Variants in DSCAM observed in about 807,000 individuals in gnomAD.
DSCAM encodes the protein DS cell adhesion molecule, also known as cell adhesion molecule DSCAM.
DSCAM carries 47 observed loss-of-function variants against 217.7 expected under a neutral mutation model. The observed-to-expected ratio is 0.22, with a 90% CI of 0.17 to 0.28. The LOEUF is 0.28. Ranked by LOEUF, DSCAM falls within the 10% of genes least tolerant of loss-of-function variation. The pLI, the probability that DSCAM is intolerant of heterozygous loss-of-function variation, is 1.00. For missense variants in DSCAM, 2,080 were observed against 2,618.3 expected, an observed-to-expected ratio of 0.79 and a Z score of 4.49; for synonymous variants, 1,056 against 1,015.3, an observed-to-expected ratio of 1.04 and a Z score of -0.76.
intron 9 of DSCAM, among the ~76,000 whole-genome samples, chr21:40,299,748 G>A (rs2073994002): frequency 6.6e-6 from 1 of 151,968 alleles, no homozygotes; most frequent in South Asian, 2.1e-4. Context: ...CTAAGCATAT[G>A]AGAATGACCA....
chr21:40,839,529 T>A (rs528374855), intron 1 of DSCAM, among the ~76,000 whole-genome samples: 1 of 152,268 alleles, frequency 6.6e-6, no homozygotes, highest in East Asian at 1.9e-4. Flanking sequence ...TGCCTTCTCA[T>A]CCCCAGCTTC....
At chr21:40,340,026 T>C (rs2074474240) in intron 6 of DSCAM, among the ~76,000 whole-genome samples, 1 of 152,176 alleles carries the variant, frequency 6.6e-6, no homozygotes, top group Admixed American at 6.5e-5. Flanking sequence ...CAAACTTCCA[T>C]GAAGTCTCTG....
chr21:40,142,813 A>T, intron 17 of DSCAM, 109 bp from the exon 18 acceptor site: 1 of 1,257,910 alleles, frequency 7.9e-7, no homozygotes, highest in Non-Finnish European at 1.1e-6. Flanking sequence ...AAAAAATTGC[A>T]CTCAACCCCA....
intron 3 of DSCAM, among the ~76,000 whole-genome samples, chr21:40,490,239 G>A (rs1271715255): frequency 6.6e-6 from 1 of 152,130 alleles, no homozygotes; most frequent in African/African-American, 2.4e-5. Flanking sequence ...TGGGAATTAT[G>A]GGAGATAAAA....
chr21:40,515,847 A>C (rs893347934), intron 3 of DSCAM, among the ~76,000 whole-genome samples: 7 of 152,210 alleles, frequency 4.6e-5, no homozygotes, highest in Non-Finnish European at 1.0e-4. Context: ...ACATGAAATC[A>C]TTCTTGACTA....
At chr21:40,446,381 G>A (rs1323748410) in intron 3 of DSCAM, among the ~76,000 whole-genome samples, 2 of 152,120 alleles carry the variant, frequency 1.3e-5, no homozygotes, top group African/African-American at 4.8e-5. Flanking sequence ...CAGTCCTATG[G>A]CCACTGGGCA....
chr21:40,823,201 C>A (rs2091943303), intron 1 of DSCAM, among the ~76,000 whole-genome samples: 1 of 62,996 alleles, frequency 1.6e-5, no homozygotes. Flanking sequence ...AGCATACATA[C>A]ATTGTGTGTG....
intron 3 of DSCAM, chr21:40,629,489 A>C (rs934337527): frequency 6.6e-6 from 1 of 152,222 alleles, no homozygotes; most frequent in Non-Finnish European, 1.5e-5. Flanking sequence ...TTTGCCAATG[A>C]AACAAGAGGA....
intron 11 of DSCAM, 49 bp downstream of exon 11, chr21:40,276,048 A>G (rs1218402379): frequency 6.8e-7 from 1 of 1,471,126 alleles, no homozygotes. Context: ...AAGCCCCCAG[A>G]GACCTATGTA....
intron 1 of DSCAM, among the ~76,000 whole-genome samples, chr21:40,717,128 A>G (rs567136618): frequency 4.6e-5 from 7 of 152,338 alleles, no homozygotes; most frequent in Non-Finnish European, 7.3e-5. Flanking sequence ...CACGATTAGG[A>G]GAGGGAGCTA....
intron 6 of DSCAM, among the ~76,000 whole-genome samples, chr21:40,346,388 A>G (rs2074558082): frequency 6.6e-6 from 1 of 152,278 alleles, no homozygotes; most frequent in Admixed American, 6.5e-5. Flanking sequence ...AGGTTAAAAA[A>G]GAATGACAGA....
At chr21:40,097,452 G>A (rs766606194) in intron 20 of DSCAM, among the ~76,000 whole-genome samples, 2 of 151,988 alleles carry the variant, frequency 1.3e-5, no homozygotes, top group African/African-American at 2.4e-5. Flanking sequence ...AAACCCCAAA[G>A]AAGTCAGAGA....
intron 3 of DSCAM, among the ~76,000 whole-genome samples, chr21:40,549,329 A>G (rs2076611068): frequency 6.6e-6 from 1 of 152,194 alleles, no homozygotes; most frequent in Non-Finnish European, 1.5e-5. Flanking sequence ...TTCCAAACAG[A>G]CCAAGGTATT....
At chr21:40,744,776 T>C (rs1216936633) in intron 1 of DSCAM, among the ~76,000 whole-genome samples, 3 of 152,060 alleles carry the variant, frequency 2.0e-5, no homozygotes, top group African/African-American at 4.8e-5. Context: ...CAGGGAAATA[T>C]GATGCCACCA....
intron 3 of DSCAM, chr21:40,630,760 C>T (rs2089680999): frequency 6.6e-6 from 1 of 152,278 alleles, no homozygotes; most frequent in African/African-American, 2.4e-5. Context: ...ATCAGCTTTC[C>T]TGGAAGCCTG....
intron 29 of DSCAM, among the ~76,000 whole-genome samples, chr21:40,055,242 G>A (rs900151351): frequency 1.3e-5 from 2 of 152,194 alleles, no homozygotes; most frequent in East Asian, 1.9e-4. Context: ...TGTGGGGGAA[G>A]ATACCCTGTA....
intron 3 of DSCAM, among the ~76,000 whole-genome samples, chr21:40,478,596 A>C (rs1174559847): frequency 6.6e-6 from 1 of 152,224 alleles, no homozygotes; most frequent in Admixed American, 6.5e-5. Flanking sequence ...CTTGGCCAAT[A>C]GGGAGGATTT....
At chr21:40,043,908 G>T (rs1012193258) in intron 31 of DSCAM, among the ~76,000 whole-genome samples, 170 bp downstream of exon 31, 10 of 152,218 alleles carry the variant, frequency 6.6e-5, no homozygotes, top group African/African-American at 2.2e-4. Flanking sequence ...AGGCTGTGCA[G>T]TTGTATTAGT....
chr21:40,389,493 T>C (rs1418751236), intron 3 of DSCAM, among the ~76,000 whole-genome samples: 3 of 152,176 alleles, frequency 2.0e-5, no homozygotes, highest in Non-Finnish European at 2.9e-5. Context: ...ATTACCATAA[T>C]AGGATTTTTA....
Sources: allele counts gnomAD v4.1 joint callset (sites outside exome capture counted in the v4.1 genomes callset), GRCh38; gene constraint gnomAD v4.1.1; transcripts MANE v1.5; gene names NCBI Gene and HGNC (gene_info 2026-07-23, HGNC 2026-07-21).